Variants in RYK observed in about 807,000 individuals in gnomAD.
RYK encodes receptor like tyrosine kinase.
A neutral mutation model predicts 70.2 loss-of-function variants in RYK; 21 were observed. The observed-to-expected ratio is 0.30, with a 90% CI of 0.21 to 0.43. RYK has a LOEUF of 0.43. Among genes scored for constraint, RYK ranks in the 20% least tolerant of loss-of-function variants. RYK has a pLI of 1.00. For missense variants in RYK, 604 were observed against 753.3 expected (o/e 0.80, Z 2.32); for synonymous variants, 267 against 278.0 (o/e 0.96, Z 0.39).
chr3:134,229,776 T>C (rs1056198071), intron 1 of RYK, among the ~76,000 whole-genome samples: 3 of 152,090 alleles, frequency 2.0e-5, no homozygotes, highest in African/African-American at 4.8e-5. Flanking sequence ...CATTTCATAA[T>C]TATATACATA....
chr3:134,189,310 C>T (rs536578042), intron 8 of RYK, among the ~76,000 whole-genome samples: 2 of 152,280 alleles, frequency 1.3e-5, no homozygotes, highest in East Asian at 3.9e-4. Context: ...CTCTCTACCG[C>T]AGAGCCTTAA....
intron 13 of RYK, among the ~76,000 whole-genome samples, chr3:134,172,914 C>A (rs192669623): frequency 9.2e-5 from 14 of 152,272 alleles, no homozygotes; most frequent in Admixed American, 3.3e-4. Context: ...GCCTCTCTGG[C>A]TAGGAGAGGC....
At chr3:134,207,248 A>G (rs1373300588) in intron 5 of RYK, among the ~76,000 whole-genome samples, 1 of 152,228 alleles carries the variant, frequency 6.6e-6, no homozygotes, top group Non-Finnish European at 1.5e-5. Context: ...AAAACTTTTT[A>G]GCTTACTCGT....
At position 134,188,938 on chromosome 3, in the gene RYK, A is replaced by G. The variant is rs779560818; in HGVS notation, c.1016-15T>C. On this transcript the variant is annotated splice_polypyrimidine_tract_variant and intron_variant, in intron 8 of 14. Transcript: ENST00000623711. ...CCCAAAAGTACCTAAAAGGAAAAGT[A>G]ATAATTAATGAGATCATACAACATT... 7.2e-7 allele frequency: 1 copy of G among 1,382,024 alleles called. No individual in the cohort carries two copies. The highest frequency in any genetic ancestry group is 1.0e-6 in the Non-Finnish European group (1 of 983,716). The allele number at this position is 1,382,024 out of a possible 1,614,324, so 85.6% of individuals were successfully genotyped here.
rs906340995 is a variant in RYK at position 134,222,358 on chromosome 3, G to A, written c.354+60C>T. On this transcript the variant is annotated intron_variant, in intron 2 of 14. Transcript: ENST00000623711. ...GACAGCAGCCCAGTCCTCAAACACA[G>A]CCCTTGCCTCTGTGGCTGGGTGACC... The A allele has an allele frequency of 1.0e-5, 16 of 1,598,120 alleles. No homozygotes were observed. In the African/African-American group the frequency reaches 1.6e-4, roughly 16 times the overall value.
chr3:134,236,696 A>AACAGTGTAGT (rs1193233900), intron 1 of RYK, among the ~76,000 whole-genome samples: 2 of 152,216 alleles, frequency 1.3e-5, no homozygotes, highest in Non-Finnish European at 2.9e-5. Flanking sequence ...CTTTAATCAA[A>AACAGTGTAGT]ACAGTGTAGT....
intron 1 of RYK, among the ~76,000 whole-genome samples, chr3:134,237,209 A>T (rs73861348): frequency 1.3e-3 from 196 of 152,220 alleles, no homozygotes; most frequent in African/African-American, 4.5e-3. Flanking sequence ...CAGTTCAAAA[A>T]TTTTTTCCAA....
intron 13 of RYK, among the ~76,000 whole-genome samples, chr3:134,171,855 A>G (rs73215364): frequency 0.032 from 4,929 of 152,046 alleles, 124 homozygotes; most frequent in Non-Finnish European, 0.057. Flanking sequence ...CAACAGAAGT[A>G]GCTAAGGAAA....
chr3:134,232,668 G>A (rs1369350789), intron 1 of RYK, among the ~76,000 whole-genome samples: 2 of 152,196 alleles, frequency 1.3e-5, no homozygotes, highest in African/African-American at 4.8e-5. Context: ...AGCTAAGGTA[G>A]TTATTTCCAG....
intron 1 of RYK, among the ~76,000 whole-genome samples, chr3:134,225,652 A>G (rs1465461664): frequency 2.0e-5 from 3 of 152,136 alleles, no homozygotes; most frequent in Non-Finnish European, 4.4e-5. Context: ...CTAGGAGTTC[A>G]AGACCAGCCT....
At chr3:134,178,182 A>T in intron 10 of RYK, 109 bp from the exon 11 acceptor site, 1 of 777,626 alleles carries the variant, frequency 1.3e-6, no homozygotes, top group Non-Finnish European at 2.0e-6. Context: ...AATACTTAAA[A>T]ACATGATTAC....
chr3:134,179,134 A>C (rs1479756549), intron 10 of RYK: 2 of 152,238 alleles, frequency 1.3e-5, no homozygotes, highest in Admixed American at 6.5e-5. Context: ...AAGTAAGATA[A>C]AAAATTCCCA....
chr3:134,231,775 C>T (rs2015064139), intron 1 of RYK, among the ~76,000 whole-genome samples: 1 of 152,132 alleles, frequency 6.6e-6, no homozygotes, highest in African/African-American at 2.4e-5. Flanking sequence ...GCTTGAGCAC[C>T]CTTACCCAAA....
At position 134,175,708 on chromosome 3, in the gene RYK, G is replaced by A. The variant is rs1169611222; in HGVS notation, c.1476C>T (p.Pro492=). Reference sequence around the variant, plus strand: ...TGTCCCCCAGACAGTGATAGTCCATGGGGAACAAGTCTCTGGAGAGGGCAT... The same window carrying A: ...TGTCCCCCAGACAGTGATAGTCCATAGGGAACAAGTCTCTGGAGAGGGCAT... The part of the protein sequence containing the change: ...TDNALSRDLF[P]MDYHCLGDNE... Residue 492 remains proline, a synonymous_variant, in exon 13 of 15, where the codon CCC becomes CCT. Transcript: ENST00000623711. 6.2e-7 allele frequency: 1 copy of A among 1,613,862 alleles called. No individual in the cohort carries two copies. The highest frequency in any genetic ancestry group is 1.1e-5 in the South Asian group (1 of 91,070).
At chr3:134,159,715 T>A (rs1214803369) in intron 13 of RYK, among the ~76,000 whole-genome samples, 2 of 152,168 alleles carry the variant, frequency 1.3e-5, no homozygotes, top group Non-Finnish European at 2.9e-5. Flanking sequence ...AATTGAGAAG[T>A]GGAAAATGAA....
chr3:134,224,214 T>C (rs143093236), intron 1 of RYK, among the ~76,000 whole-genome samples: 1 of 152,226 alleles, frequency 6.6e-6, no homozygotes, highest in East Asian at 1.9e-4. Flanking sequence ...CTGTTATTTA[T>C]TGTATACAAG....
chr3:134,219,841 C>G (rs775380348), intron 2 of RYK, among the ~76,000 whole-genome samples: 85 of 152,290 alleles, frequency 5.6e-4, no homozygotes, highest in Middle Eastern at 3.4e-3. Flanking sequence ...ACACCACAGG[C>G]TGAAATACGA....
rs138929039 is a variant in RYK at position 134,246,136 on chromosome 3, A to G, written c.232+4287T>C. 2.0e-5 allele frequency among the ~76,000 whole-genome samples: 3 copies of G among 152,206 alleles called. No homozygotes were observed. The East Asian group carries it at 5.8e-4, about 29-fold the overall frequency. On this transcript the variant is annotated intron_variant, in intron 1 of 14. Coordinates refer to ENST00000623711, the MANE Select transcript of RYK (RefSeq NM_002958.4). ...TAAGATGCAATGAAATGGAAACAGA[A>G]AAAGATTCTAAAATTTAAAAACATG...
intron 1 of RYK, among the ~76,000 whole-genome samples, chr3:134,229,904 G>A (rs1234639180): frequency 6.6e-6 from 1 of 151,956 alleles, no homozygotes; most frequent in Admixed American, 6.6e-5. Flanking sequence ...GCAAGGAGGT[G>A]GAGTAACTAT....
Sources: allele counts gnomAD v4.1 joint callset (sites outside exome capture counted in the v4.1 genomes callset), GRCh38; gene constraint gnomAD v4.1.1; transcripts MANE v1.5; gene names NCBI Gene and HGNC (gene_info 2026-07-23, HGNC 2026-07-21).